The following EXT1 variants were observed in gnomAD, a reference collection of about 807,000 sequenced individuals.
The protein encoded by EXT1 is exostosin glycosyltransferase 1, also known as exostosin-1.
EXT1 carries 20 observed loss-of-function variants against 82.5 expected under a neutral mutation model. The ratio of observed to expected loss-of-function variants is 0.24; its 90% confidence interval spans 0.17 to 0.35. The LOEUF (loss-of-function observed/expected upper bound fraction) is 0.35. Ranked by LOEUF, EXT1 falls within the 10% of genes least tolerant of loss-of-function variation. EXT1 has a pLI of 1.00. For synonymous variants in EXT1, 348 were observed against 350.8 expected (o/e 0.99, Z 0.09); for missense variants, 757 against 936.5 (o/e 0.81, Z 2.50).
chr8:117,990,160 G>A (rs970706529), intron 1 of EXT1, among the ~76,000 whole-genome samples: 6 of 152,022 alleles, frequency 3.9e-5, no homozygotes, highest in Admixed American at 6.6e-5. Context: ...GCGACAGAGC[G>A]AGACTCCGCC....
At chr8:117,981,543 T>A (rs1033130139) in intron 1 of EXT1, among the ~76,000 whole-genome samples, 1 of 152,202 alleles carries the variant, frequency 6.6e-6, no homozygotes, top group African/African-American at 2.4e-5. Flanking sequence ...TGGTGATGTA[T>A]GTTGGTCATT....
chr8:117,992,490 G>A (rs1245721848), intron 1 of EXT1, among the ~76,000 whole-genome samples: 2 of 135,638 alleles, frequency 1.5e-5, no homozygotes, highest in Admixed American at 7.6e-5. Context: ...TATAGGATAC[G>A]AAGGCTTGGC....
chr8:117,857,576 T>C (rs1035992620), intron 1 of EXT1, among the ~76,000 whole-genome samples: 7 of 149,994 alleles, frequency 4.7e-5, no homozygotes, highest in Admixed American at 3.3e-4. Context: ...AGCATGCCCC[T>C]GTAGTCCCAG....
At chr8:118,018,249 G>C (rs1816035738) in intron 1 of EXT1, among the ~76,000 whole-genome samples, 1 of 152,168 alleles carries the variant, frequency 6.6e-6, no homozygotes, top group Non-Finnish European at 1.5e-5. Flanking sequence ...TACCAGAGTA[G>C]GGTGGGTGCC....
intron 1 of EXT1, among the ~76,000 whole-genome samples, chr8:117,954,612 A>C (rs1216526241): frequency 3.3e-5 from 5 of 152,214 alleles, no homozygotes; most frequent in African/African-American, 1.2e-4. Context: ...TTGGAGTCTT[A>C]TTTGTAATCC....
intron 9 of EXT1, 82 bp from the exon 10 acceptor site, chr8:117,804,975 C>T (rs936143534): frequency 5.3e-6 from 7 of 1,311,156 alleles, no homozygotes; most frequent in African/African-American, 2.9e-5. Flanking sequence ...AACACATACC[C>T]ATTCTTTGAA....
chr8:118,004,455 C>A (rs1237448519), intron 1 of EXT1, among the ~76,000 whole-genome samples: 1 of 152,094 alleles, frequency 6.6e-6, no homozygotes, highest in East Asian at 1.9e-4. Context: ...AGAGGGTGGG[C>A]AGAATATAGA....
intron 1 of EXT1, among the ~76,000 whole-genome samples, chr8:117,962,712 C>T (rs760360913): frequency 4.6e-5 from 7 of 151,986 alleles, no homozygotes; most frequent in Non-Finnish European, 2.9e-5. Flanking sequence ...CAGATCATGC[C>T]ACTGCACTCC....
chr8:117,795,547 A>C lies in EXT1; in HGVS notation c.*4165T>G, dbSNP rs543337934. 6.6e-6 allele frequency: 1 copy of C among 150,702 alleles called. No homozygotes were observed. Among genetic ancestry groups the C allele is most frequent in the Non-Finnish European group, 1.5e-5 (1 of 67,898 alleles). 9.3% of individuals were successfully genotyped at this position (150,702 alleles called of 1,614,324 possible). ...CGCAGTGGCTTACACCTGTAATCTC[A>C]GCACTTTGGGAGGCAGAGGCAGGTG... On this transcript the variant is annotated 3_prime_UTR_variant, in exon 11 of 11. Transcript: ENST00000378204.
chr8:118,095,890 A>G (rs1007348080), intron 1 of EXT1, among the ~76,000 whole-genome samples: 1 of 152,152 alleles, frequency 6.6e-6, no homozygotes, highest in Non-Finnish European at 1.5e-5. Flanking sequence ...AACTAAACAA[A>G]CAAGCCACGA....
At position 117,847,810 on chromosome 8, in the gene EXT1, G is replaced by A. The variant is rs554670007; in HGVS notation, c.963-10609C>T. 6.6e-5 allele frequency among the ~76,000 whole-genome samples: 10 copies of A among 152,300 alleles called. No individual in the cohort carries two copies. The South Asian group carries it at 2.1e-3, about 32-fold the overall frequency. On this transcript the variant is annotated intron_variant, in intron 1 of 10. Transcript: ENST00000378204. The stretch of plus-strand genomic sequence containing the variant: ...TCACCCCCAGGGCAGGCACTGTGCA[G>A]AGTCTGTCCCGTGACCTGCATTCTT...
At chr8:117,843,459 G>T (rs1401999307) in intron 1 of EXT1, among the ~76,000 whole-genome samples, 1 of 152,192 alleles carries the variant, frequency 6.6e-6, no homozygotes, top group Non-Finnish European at 1.5e-5. Context: ...TGTACAAGAA[G>T]CAACCAGGCA....
intron 1 of EXT1, among the ~76,000 whole-genome samples, chr8:118,038,468 A>C (rs931838890): frequency 1.3e-5 from 2 of 152,046 alleles, no homozygotes; most frequent in East Asian, 3.9e-4. Context: ...GGTCCCCCAG[A>C]CCTCCTCTCT....
At chr8:117,843,279 C>A (rs764479445) in intron 1 of EXT1, among the ~76,000 whole-genome samples, 13 of 152,142 alleles carry the variant, frequency 8.5e-5, no homozygotes, top group Non-Finnish European at 1.9e-4. Flanking sequence ...AGGGAGCTCA[C>A]TGTCCAGAAT....
At chr8:118,004,020 G>A (rs1360842694) in intron 1 of EXT1, among the ~76,000 whole-genome samples, 1 of 152,148 alleles carries the variant, frequency 6.6e-6, no homozygotes, top group Non-Finnish European at 1.5e-5. Flanking sequence ...ACAGTTTGAA[G>A]AGATTCTGTG....
At chr8:117,958,311 G>C (rs368524209) in intron 1 of EXT1, among the ~76,000 whole-genome samples, 1 of 152,158 alleles carries the variant, frequency 6.6e-6, no homozygotes, top group African/African-American at 2.4e-5. Context: ...TATGGATAGA[G>C]CCTAGAAAAT....
At chr8:118,095,898 C>T (rs1817602607) in intron 1 of EXT1, among the ~76,000 whole-genome samples, 1 of 152,160 alleles carries the variant, frequency 6.6e-6, no homozygotes, top group South Asian at 2.1e-4. Flanking sequence ...AAACAAGCCA[C>T]GATTTTAAAT....
chr8:118,111,315 C>G lies in EXT1; in HGVS notation c.-269G>C, dbSNP rs924003530. The G allele has an allele frequency of 3.3e-6, 2 of 600,700 alleles. No individual in the cohort carries two copies. Among genetic ancestry groups the G allele is most frequent in the Non-Finnish European group, 5.9e-6 (2 of 339,324 alleles). 37.2% of individuals were successfully genotyped at this position (600,700 alleles called of 1,614,324 possible). On this transcript the variant is annotated 5_prime_UTR_variant, in exon 1 of 11. Coordinates refer to ENST00000378204, the MANE Select transcript of EXT1 (RefSeq NM_000127.3). ...CTGAATATCTCGCACCCAGGGCGGG[C>G]GAGCAGCGGACTGTAATTTTCTTGC...
At chr8:117,942,854 A>T (rs981114107) in intron 1 of EXT1, among the ~76,000 whole-genome samples, 2 of 152,200 alleles carry the variant, frequency 1.3e-5, no homozygotes, top group African/African-American at 4.8e-5. Context: ...AAGTTGAATA[A>T]ATTGGATGGC....
Sources: allele counts gnomAD v4.1 joint callset (sites outside exome capture counted in the v4.1 genomes callset), GRCh38; gene constraint gnomAD v4.1.1; transcripts MANE v1.5; gene names NCBI Gene and HGNC (gene_info 2026-07-23, HGNC 2026-07-21).